RIPOR2: variants seen among roughly 807,000 people sequenced by gnomAD.
RIPOR2 encodes the protein rho family-interacting cell polarization regulator 2.
RIPOR2 carries 39 observed loss-of-function variants against 114.5 expected under a neutral mutation model. The ratio of observed to expected loss-of-function variants is 0.34; its 90% CI spans 0.26 to 0.44. The LOEUF (loss-of-function observed/expected upper bound fraction) is 0.44. Ranked by LOEUF, RIPOR2 falls within the 20% of genes least tolerant of loss-of-function variation. RIPOR2 has a pLI of 1.00. For missense variants in RIPOR2, 1,007 were observed against 1,255.1 expected (o/e 0.80, Z 2.99); for synonymous variants, 445 against 484.4 (o/e 0.92, Z 1.07).
intron 1 of RIPOR2, among the ~76,000 whole-genome samples, chr6:25,014,202 C>T (rs58446150): frequency 0.048 from 7,241 of 152,192 alleles, 376 homozygotes; most frequent in African/African-American, 0.13. Flanking sequence ...AACTGAAATC[C>T]GTGAGCTTTA....
chr6:24,925,248 AC>A (rs1238653393), intron 1 of RIPOR2, among the ~76,000 whole-genome samples: 5 of 152,206 alleles, frequency 3.3e-5, no homozygotes, highest in Non-Finnish European at 7.3e-5. Flanking sequence ...AGGCATAAAC[AC>A]CTATCTTTCT....
chr6:24,835,899 A>G lies in RIPOR2; in HGVS notation c.2040-28T>C, dbSNP rs541926616. On this transcript the variant is annotated intron_variant, in intron 14 of 21. Coordinates refer to ENST00000643898, the MANE Select transcript of RIPOR2 (RefSeq NM_001286445.3). ...ATTGAAGGTGGGCAAAACATTAGCT[A>G]TTCTTTTTCTGTGCACAAACCACAG... is the stretch of plus-strand genomic sequence containing the variant. The G allele has an allele frequency of 1.2e-4, 184 of 1,549,576 alleles. No individual in the cohort carries two copies. The Admixed American group carries it at 3.5e-3, about 29-fold the overall frequency.
intron 1 of RIPOR2, among the ~76,000 whole-genome samples, chr6:24,919,922 T>C (rs1339452363): frequency 6.6e-6 from 1 of 152,200 alleles, no homozygotes; most frequent in Non-Finnish European, 1.5e-5. Flanking sequence ...AATACAAATA[T>C]TGGACTGGTG....
At chr6:24,808,660 A>G (rs949089163) in intron 21 of RIPOR2, among the ~76,000 whole-genome samples, 2 of 151,968 alleles carry the variant, frequency 1.3e-5, no homozygotes, top group East Asian at 1.9e-4. Context: ...AAGCTGCAGT[A>G]TTGATTGGAT....
rs369634523 is a variant in RIPOR2 at position 24,865,416 on chromosome 6, C to T, written c.536G>A (p.Arg179Gln). 1.3e-5 allele frequency: 21 copies of T among 1,613,160 alleles called. No homozygotes were observed. In the East Asian group the frequency reaches 2.5e-4, roughly 19 times the overall value. ...TTTGCTGGCACCATCCTGGAGGCGT[C>T]GCTGGATACAATAAGCTTCATAGAG... is the stretch of plus-strand genomic sequence containing the variant. ...DELYEAYCIQ[R>Q]RLQDGASKMK... The change falls in exon 7 of 22, where the codon CGA (arginine) becomes CAA (glutamine). Residue 179 changes from arginine (R) to glutamine (Q), a missense_variant. Coordinates refer to ENST00000643898, the MANE Select transcript of RIPOR2 (RefSeq NM_001286445.3).
chr6:25,040,176 C>T (rs181763359), intron 1 of RIPOR2, among the ~76,000 whole-genome samples: 42 of 151,308 alleles, frequency 2.8e-4, no homozygotes, highest in African/African-American at 1.0e-3. Context: ...AGTACAATGG[C>T]ACAATCTCCG....
intron 8 of RIPOR2, among the ~76,000 whole-genome samples, chr6:24,855,370 TTA>T (rs145287882): frequency 0.15 from 21,955 of 142,972 alleles, 1,754 homozygotes; most frequent in South Asian, 0.23. Context: ...ATATATGACT[TTA>T]TTTTTTTTTT....
chr6:25,006,966 C>T (rs1026806164), intron 1 of RIPOR2, among the ~76,000 whole-genome samples: 3 of 152,178 alleles, frequency 2.0e-5, no homozygotes, highest in Non-Finnish European at 4.4e-5. Flanking sequence ...TGGAATGGAA[C>T]GCTGTGGGAA....
At chr6:24,916,669 G>C (rs1156742926) in intron 1 of RIPOR2, among the ~76,000 whole-genome samples, 3 of 152,236 alleles carry the variant, frequency 2.0e-5, no homozygotes, top group Non-Finnish European at 4.4e-5. Flanking sequence ...GAACTGCTAA[G>C]AGAAAGACCC....
chr6:24,901,965 T>C (rs1768494897), intron 1 of RIPOR2, among the ~76,000 whole-genome samples: 1 of 152,194 alleles, frequency 6.6e-6, no homozygotes, highest in African/African-American at 2.4e-5. Flanking sequence ...TCCACAGAGA[T>C]ATAAGGCACT....
At chr6:24,988,279 A>G (rs1226619620) in intron 1 of RIPOR2, among the ~76,000 whole-genome samples, 1 of 152,080 alleles carries the variant, frequency 6.6e-6, no homozygotes, top group Non-Finnish European at 1.5e-5. Flanking sequence ...TCCGCCTCCC[A>G]GATTCAAGTG....
intron 1 of RIPOR2, among the ~76,000 whole-genome samples, chr6:24,881,585 T>A (rs1045357324): frequency 6.6e-6 from 1 of 152,250 alleles, no homozygotes; most frequent in Admixed American, 6.5e-5. Context: ...CTCGTCCCAG[T>A]TTCTTCATAC....
At chr6:24,963,324 T>C (rs968149462) in intron 1 of RIPOR2, among the ~76,000 whole-genome samples, 9 of 152,202 alleles carry the variant, frequency 5.9e-5, no homozygotes, top group Non-Finnish European at 1.2e-4. Context: ...TGAGTCACCA[T>C]GCCTGGTCGC....
chr6:25,007,938 G>A (rs1322007914), intron 1 of RIPOR2, among the ~76,000 whole-genome samples: 1 of 151,596 alleles, frequency 6.6e-6, no homozygotes, highest in African/African-American at 2.4e-5. Context: ...CATGTTTAGT[G>A]GCATCATCCC....
chr6:24,997,222 T>C (rs1314668412), intron 1 of RIPOR2, among the ~76,000 whole-genome samples: 1 of 152,192 alleles, frequency 6.6e-6, no homozygotes, highest in Non-Finnish European at 1.5e-5. Context: ...CCCCAGGTGA[T>C]TCTAATATAC....
At chr6:24,924,330 G>T (rs1467496728) in intron 1 of RIPOR2, among the ~76,000 whole-genome samples, 4 of 152,174 alleles carry the variant, frequency 2.6e-5, no homozygotes, top group Non-Finnish European at 5.9e-5. Context: ...ATTATGGTTA[G>T]GTCTAAGGGC....
At chr6:24,917,181 C>T (rs954120706) in intron 1 of RIPOR2, among the ~76,000 whole-genome samples, 12 of 151,908 alleles carry the variant, frequency 7.9e-5, no homozygotes, top group Admixed American at 6.6e-4. Flanking sequence ...TCTAGAATAG[C>T]CTTTTTGAAT....
chr6:24,972,301 G>A (rs939518916), intron 1 of RIPOR2, among the ~76,000 whole-genome samples: 3 of 152,214 alleles, frequency 2.0e-5, no homozygotes. Flanking sequence ...TATGTAGTCA[G>A]CAACAACAAC....
At chr6:24,887,163 C>T (rs1294744669) in intron 1 of RIPOR2, among the ~76,000 whole-genome samples, 29 of 152,204 alleles carry the variant, frequency 1.9e-4, no homozygotes, top group Non-Finnish European at 7.4e-5. Context: ...CTTTGAATTA[C>T]TGATGGGGTA....
Sources: gnomAD v4.1 joint callset for allele counts (sites outside exome capture counted in the v4.1 genomes callset) on GRCh38, gnomAD v4.1.1 for gene constraint, MANE v1.5 for transcripts, NCBI Gene and HGNC (gene_info 2026-07-23, HGNC 2026-07-21) for gene names.